Variants in SMYD3 observed in about 807,000 individuals in gnomAD.
The protein encoded by SMYD3 is SET and MYND domain containing 3, also known as histone-lysine N-methyltransferase SMYD3.
SMYD3 carries 36 observed loss-of-function variants against 57.7 expected under a neutral mutation model. The ratio of observed to expected loss-of-function variants is 0.62; its 90% CI spans 0.48 to 0.82. The LOEUF is 0.82. Ranked by LOEUF, SMYD3 falls within the 40% of genes least tolerant of loss-of-function variation. The pLI is 0.00. For synonymous variants in SMYD3, 211 were observed against 195.0 expected, an observed-to-expected ratio of 1.08 and a Z score of -0.68; for missense variants, 515 against 538.8, an observed-to-expected ratio of 0.96 and a Z score of 0.44.
chr1:246,095,546 T>G lies in SMYD3; in HGVS notation c.532-165609A>C, dbSNP rs1341082224. Among the ~76,000 whole-genome samples the G allele has an allele frequency of 2.0e-5, 3 of 152,180 alleles. No individual in the cohort carries two copies. The East Asian group carries it at 5.8e-4, about 29-fold the overall frequency. ...TGCACAAAACCTGGACATCTGAGCT[T>G]GGGACTGATGCATCTGTGGGAGTTA... On this transcript the variant is annotated intron_variant, in intron 5 of 11. Transcript: ENST00000490107.
chr1:246,002,614 G>A (rs557739657), intron 5 of SMYD3, among the ~76,000 whole-genome samples: 1 of 131,418 alleles, frequency 7.6e-6, no homozygotes, highest in Admixed American at 7.7e-5. Context: ...CACCACGCCC[G>A]GCTAATTTTT....
chr1:246,481,631 C>CAT (rs2068107680), intron 1 of SMYD3, among the ~76,000 whole-genome samples: 1 of 33,610 alleles, frequency 3.0e-5, no homozygotes. Context: ...TACATACATA[C>CAT]ATACACATAT....
intron 5 of SMYD3, among the ~76,000 whole-genome samples, chr1:246,153,946 A>G (rs994109646): frequency 6.6e-6 from 1 of 152,202 alleles, no homozygotes; most frequent in Non-Finnish European, 1.5e-5. Context: ...ATTAGGCACT[A>G]AATCTACCCT....
Position 245,863,804 on chromosome 1 carries a change from T to G in SMYD3, c.896A>C (p.His299Pro). Residue 299 changes from histidine (H) to proline (P), a missense_variant, in exon 9 of 12, where the codon CAC becomes CCC. Coordinates refer to ENST00000490107, the MANE Select transcript of SMYD3 (RefSeq NM_001167740.2). ...SLKKIEELKA[H>P]WKWEQVLAMC... ...ATCCACAGGCGAAAGGATACTCCAG[T>G]GTGCCTTCAGTTCTTCAATTTTTTT... is the stretch of plus-strand genomic sequence containing the variant. 2 of 1,613,798 alleles carry G rather than the reference T, an allele frequency of 1.2e-6. No homozygotes were observed.
At chr1:246,188,441 A>C (rs867799493) in intron 5 of SMYD3, among the ~76,000 whole-genome samples, 33 of 152,202 alleles carry the variant, frequency 2.2e-4, no homozygotes, top group Middle Eastern at 3.4e-3. Flanking sequence ...TATAACATAA[A>C]ATTTTCACTT....
chr1:246,008,929 G>A (rs1383896408), intron 5 of SMYD3, among the ~76,000 whole-genome samples: 3 of 152,126 alleles, frequency 2.0e-5, no homozygotes, highest in Admixed American at 2.0e-4. Context: ...TGAAGAATTC[G>A]GCTCTGGAGT....
intron 1 of SMYD3, among the ~76,000 whole-genome samples, chr1:246,467,285 A>G (rs1255104219): frequency 1.3e-5 from 2 of 152,212 alleles, no homozygotes; most frequent in African/African-American, 4.8e-5. Flanking sequence ...ACAGAATTAG[A>G]TTTCACATAC....
intron 5 of SMYD3, among the ~76,000 whole-genome samples, chr1:246,003,487 C>G (rs917848623): frequency 6.6e-6 from 1 of 152,214 alleles, no homozygotes; most frequent in East Asian, 1.9e-4. Context: ...TATGGATTAT[C>G]TCCTCTCAGA....
intron 5 of SMYD3, among the ~76,000 whole-genome samples, chr1:245,994,799 T>TG (rs562260764): frequency 6.8e-6 from 1 of 146,262 alleles, no homozygotes; most frequent in Non-Finnish European, 1.5e-5. Flanking sequence ...TGAAGAAACT[T>TG]AAAAAAAAAA....
At chr1:246,478,126 A>G (rs1415559610) in intron 1 of SMYD3, among the ~76,000 whole-genome samples, 1 of 152,232 alleles carries the variant, frequency 6.6e-6, no homozygotes, top group African/African-American at 2.4e-5. Context: ...CATTTTACCT[A>G]ACATTATGAC....
chr1:246,459,104 TAC>T (rs2067752790), intron 1 of SMYD3, among the ~76,000 whole-genome samples: 1 of 152,200 alleles, frequency 6.6e-6, no homozygotes, highest in Non-Finnish European at 1.5e-5. Context: ...CTGTTCTCCT[TAC>T]AGAGTTCTCG....
intron 5 of SMYD3, among the ~76,000 whole-genome samples, chr1:246,239,008 G>C (rs2063558103): frequency 6.6e-6 from 1 of 151,308 alleles, no homozygotes; most frequent in Non-Finnish European, 1.5e-5. Context: ...TCGGTGGATA[G>C]TCACGACACT....
chr1:246,195,072 C>T (rs2062810915), intron 5 of SMYD3, among the ~76,000 whole-genome samples: 1 of 152,080 alleles, frequency 6.6e-6, no homozygotes, highest in Admixed American at 6.5e-5. Context: ...GAATGTCTGG[C>T]AAAGGTTTGG....
At chr1:246,271,136 T>G (rs565819889) in intron 5 of SMYD3, among the ~76,000 whole-genome samples, 4 of 152,238 alleles carry the variant, frequency 2.6e-5, no homozygotes, top group Non-Finnish European at 5.9e-5. Flanking sequence ...TTAAGTCCTT[T>G]GCCCATTTTA....
intron 11 of SMYD3, among the ~76,000 whole-genome samples, chr1:245,759,320 AC>A (rs1335965249): frequency 6.6e-6 from 1 of 150,632 alleles, no homozygotes; most frequent in Non-Finnish European, 1.5e-5. Context: ...TTTCCCTCCC[AC>A]CTCCCCACAC....
chr1:245,981,987 C>A (rs574909046), intron 5 of SMYD3, among the ~76,000 whole-genome samples: 9 of 152,216 alleles, frequency 5.9e-5, no homozygotes, highest in Non-Finnish European at 1.2e-4. Flanking sequence ...GTCATGGGGA[C>A]CTTGAGCACG....
In SMYD3 at chr1:245,770,679, C is replaced by G. The variant is rs144848452; in HGVS notation, c.1077-6530G>C. Among the ~76,000 whole-genome samples, 867 of 152,250 alleles carry G rather than the reference C, an allele frequency of 5.7e-3. 6 individuals are homozygous for G. Among genetic ancestry groups the G allele is most frequent in the African/African-American group, 0.019 (774 of 41,542 alleles). On this transcript the variant is annotated intron_variant, in intron 10 of 11. Coordinates refer to ENST00000490107, the MANE Select transcript of SMYD3 (RefSeq NM_001167740.2). ...CCAAGAAGAACAATATAGACAGTGA[C>G]ATAAGACCTACAGGTACTGAAATGG...
At chr1:245,770,979 G>T (rs1349743095) in intron 10 of SMYD3, among the ~76,000 whole-genome samples, 1 of 152,024 alleles carries the variant, frequency 6.6e-6, no homozygotes, top group Non-Finnish European at 1.5e-5. Context: ...AGGAGCAGAG[G>T]TCTCATATGT....
Position 245,808,631 on chromosome 1 carries a change from G to A in SMYD3, c.1077-44482C>T, listed in dbSNP as rs572357477. On this transcript the variant is annotated intron_variant, in intron 10 of 11. Transcript: ENST00000490107. Reference sequence around the variant, plus strand: ...GCCTTCTCAACTTGCTGAGGCTCTTGAGGTTTGCCTGTTGTGCAGGTGTAG... The same window carrying A: ...GCCTTCTCAACTTGCTGAGGCTCTTAAGGTTTGCCTGTTGTGCAGGTGTAG... Among the ~76,000 whole-genome samples the A allele has an allele frequency of 4.6e-5, 7 of 152,274 alleles. No individual in the cohort carries two copies. In the East Asian group the frequency reaches 1.4e-3, roughly 29 times the overall value.
Sources: gnomAD v4.1 joint callset for allele counts (sites outside exome capture counted in the v4.1 genomes callset) on GRCh38, gnomAD v4.1.1 for gene constraint, MANE v1.5 for transcripts, NCBI Gene and HGNC (gene_info 2026-07-23, HGNC 2026-07-21) for gene names.